PFDN6: variants seen among roughly 807,000 people sequenced by gnomAD.
PFDN6 encodes prefoldin subunit 6.
Under a neutral mutation model 19.3 loss-of-function variants are expected in PFDN6, and 5 were observed. That is an observed-to-expected ratio of 0.26 (90% confidence interval 0.14 to 0.55). The LOEUF is 0.55. Among genes scored for constraint, PFDN6 ranks in the 20% least tolerant of loss-of-function variants. The pLI, the probability that PFDN6 is intolerant of heterozygous loss-of-function variation, is 0.94. For missense variants in PFDN6, 101 were observed against 149.4 expected (o/e 0.68, Z 1.69); for synonymous variants, 51 against 63.4 (o/e 0.80, Z 0.93).
At chr6:33,289,356 A>G, upstream of PFDN6, 1 of 1,342,216 alleles carries the variant, frequency 7.5e-7, no homozygotes, top group Non-Finnish European at 9.5e-7. Flanking sequence ...TTGGCACCTT[A>G]TCGCGAGCGG....
intron 1 of PFDN6, 49 bp from the exon 2 acceptor site, chr6:33,290,125 A>C: frequency 6.3e-7 from 1 of 1,577,966 alleles, no homozygotes; most frequent in African/African-American, 1.3e-5. Flanking sequence ...GATTGTGGGG[A>C]TAGGTGGCAC....
chr6:33,289,896 G>C lies in PFDN6; in HGVS notation c.40G>C (p.Glu14Gln). 3 of 1,609,522 alleles carry C rather than the reference G, an allele frequency of 1.9e-6. No homozygotes were observed. Among genetic ancestry groups the C allele is most frequent in the Non-Finnish European group, 2.5e-6 (3 of 1,177,976 alleles). ...LIQKKLQGEV[E>Q]KYQQLQKDLS... ...CCAGAAGAAGCTACAGGGAGAAGTG[G>C]AGAAATATCAACAGCTACAGAAGGG... is the stretch of plus-strand genomic sequence containing the variant. The change falls in exon 1 of 4, where the codon GAG becomes CAG. Residue 14 changes from glutamate to glutamine, a missense_variant. Transcript: ENST00000374606.
Position 33,290,932 on chromosome 6 carries a change from G to A in PFDN6, c.*87G>A. On this transcript the variant is annotated 3_prime_UTR_variant, in exon 4 of 4. Coordinates refer to ENST00000374606, the MANE Select transcript of PFDN6 (RefSeq NM_001185181.3). ...TAGCTAATAAAATGTAAAAACACCTGGCTCTGTTTCCTGACCAGGCACTTC... is the reference window on the plus strand; with the variant it reads ...TAGCTAATAAAATGTAAAAACACCTAGCTCTGTTTCCTGACCAGGCACTTC... The A allele has an allele frequency of 1.5e-6, 2 of 1,311,996 alleles. No individual in the cohort carries two copies. Among genetic ancestry groups the A allele is most frequent in the Non-Finnish European group, 2.1e-6 (2 of 961,056 alleles). The allele number at this position is 1,311,996 out of a possible 1,614,324, so 81.3% of individuals were successfully genotyped here. A position where few individuals can be genotyped will look rare whatever the true frequency, so the allele number is the denominator to read the frequency against.
At position 33,289,652 on chromosome 6, in the gene PFDN6, TG is replaced by T. The variant is rs1489545199; in HGVS notation, c.-201del. 21 of 561,628 alleles carry T rather than the reference TG, an allele frequency of 3.7e-5. No individual in the cohort carries two copies. In the Admixed American group the frequency reaches 8.0e-4, roughly 21 times the overall value. 34.8% of individuals were successfully genotyped at this position (561,628 alleles called of 1,614,324 possible). On this transcript the variant is annotated 5_prime_UTR_variant, in exon 1 of 4. Transcript: ENST00000374606. ...AGGTTAGGATTTCGGTTGAGAGGCT[TG>T]GGGTCTTGCGTTTCGCCCACCATCT...
intron 3 of PFDN6, 120 bp from the exon 4 acceptor site, chr6:33,290,596 C>T (rs776447826): frequency 7.5e-5 from 110 of 1,469,598 alleles, no homozygotes; most frequent in Admixed American, 5.4e-4. Flanking sequence ...TTTTAACCCC[C>T]CTTCTTCTCC....
chr6:33,289,966 C>T (rs1168598939), intron 1 of PFDN6, 46 bp downstream of exon 1: 10 of 1,525,700 alleles, frequency 6.6e-6, no homozygotes, highest in Non-Finnish European at 9.0e-6. Flanking sequence ...CACTTACAAC[C>T]CAAAGCCATT....
chr6:33,290,528 C>T, intron 3 of PFDN6, 78 bp downstream of exon 3: 1 of 1,507,148 alleles, frequency 6.6e-7, no homozygotes, highest in Non-Finnish European at 8.9e-7. Flanking sequence ...TGAACCATTG[C>T]AGAACAGCTC....
Position 33,289,632 on chromosome 6 carries a change from A to G in PFDN6, c.-225A>G. On this transcript the variant is annotated 5_prime_UTR_variant, in exon 1 of 4. Coordinates refer to ENST00000374606, the MANE Select transcript of PFDN6 (RefSeq NM_001185181.3). ...ACTGAAGGAAGAACGTGAGTAGGTT[A>G]GGATTTCGGTTGAGAGGCTTGGGGT... is the stretch of plus-strand genomic sequence containing the variant. 1 of 572,876 alleles carries G rather than the reference A, an allele frequency of 1.7e-6. No individual in the cohort carries two copies. Among genetic ancestry groups the G allele is most frequent in the East Asian group, 3.3e-5 (1 of 30,574 alleles). 35.5% of individuals were successfully genotyped at this position (572,876 alleles called of 1,614,324 possible).
chr6:33,289,698 C>A lies in PFDN6; in HGVS notation c.-159C>A. On this transcript the variant is annotated 5_prime_UTR_variant, in exon 1 of 4. Transcript: ENST00000374606. ...CCATCTCCTGGGGACAGGGTGGAGT[C>A]GATATCCGGGACGGGGGGGAGGTTG... The A allele has an allele frequency of 3.3e-6, 2 of 606,772 alleles. No individual in the cohort carries two copies. Among genetic ancestry groups the A allele is most frequent in the South Asian group, 3.1e-5 (1 of 31,990 alleles). The allele number at this position is 606,772 out of a possible 1,614,324, so 37.6% of individuals were successfully genotyped here. A position where few individuals can be genotyped will look rare whatever the true frequency, so the allele number is the denominator to read the frequency against.
rs1562644497 is a variant in PFDN6 at position 33,290,156 on chromosome 6, C to T, written c.65-18C>T. ...GGCACATTTGATGTTTCTAAATTGCCTTTCCTCTCATCCCCAGACTTAAGT... is the reference window on the plus strand; with the variant it reads ...GGCACATTTGATGTTTCTAAATTGCTTTTCCTCTCATCCCCAGACTTAAGT... On this transcript the variant is annotated intron_variant, in intron 1 of 3. Coordinates refer to ENST00000374606, the MANE Select transcript of PFDN6 (RefSeq NM_001185181.3). 1.9e-6 allele frequency: 3 copies of T among 1,613,780 alleles called. No homozygotes were observed. Among genetic ancestry groups the T allele is most frequent in the East Asian group, 2.2e-5 (1 of 44,882 alleles).
intron 3 of PFDN6, 101 bp downstream of exon 3, chr6:33,290,551 C>A: frequency 6.7e-7 from 1 of 1,481,826 alleles, no homozygotes; most frequent in African/African-American, 1.4e-5. Flanking sequence ...CATAGTGGCC[C>A]CTAGTCCTCC....
In PFDN6 at chr6:33,289,870, T is replaced by C; in HGVS notation, c.14T>C (p.Ile5Thr). 1 of 1,606,766 alleles carries C rather than the reference T, an allele frequency of 6.2e-7. No homozygotes were observed. Among genetic ancestry groups the C allele is most frequent in the Non-Finnish European group, 8.5e-7 (1 of 1,176,920 alleles). Reference sequence around the variant, plus strand: ...TTCATCCCCGCCATGGCGGAGCTGATCCAGAAGAAGCTACAGGGAGAAGTG... The same window carrying C: ...TTCATCCCCGCCATGGCGGAGCTGACCCAGAAGAAGCTACAGGGAGAAGTG... Reference protein sequence around the residue: MAELIQKKLQGEVEK... With the variant: MAELTQKKLQGEVEK... The change falls in exon 1 of 4, where the codon ATC (isoleucine) becomes ACC (threonine). Residue 5 changes from isoleucine (I) to threonine (T), a missense_variant. This residue lies in a region of PFDN6 where 54 missense variants were observed against 108.8 expected (regional missense o/e 0.50). Transcript: ENST00000374606.
upstream of PFDN6, chr6:33,289,562 A>G (rs1581695966): frequency 3.8e-6 from 3 of 795,890 alleles, no homozygotes; most frequent in East Asian, 9.7e-5. Context: ...AACTTCCGGC[A>G]CAGTCTTTTC....
Position 33,290,622 on chromosome 6 carries a change from A to G in PFDN6, c.261-94A>G, listed in dbSNP as rs796299087. The stretch of plus-strand genomic sequence containing the variant: ...CTTCTTCTCCCTCCCCTGGATCTCA[A>G]GTTTTCCACCTATCTCTTTCTTGCG... On this transcript the variant is annotated intron_variant, in intron 3 of 3. Coordinates refer to ENST00000374606, the MANE Select transcript of PFDN6 (RefSeq NM_001185181.3). 21 of 1,523,676 alleles carry G rather than the reference A, an allele frequency of 1.4e-5. No homozygotes were observed. The African/African-American group carries it at 2.6e-4, about 19-fold the overall frequency. The allele number at this position is 1,523,676 out of a possible 1,614,324, so 94.4% of individuals were successfully genotyped here.
intron 1 of PFDN6, 104 bp downstream of exon 1, chr6:33,290,024 T>G (rs1195899001): frequency 1.3e-5 from 17 of 1,298,810 alleles, no homozygotes; most frequent in Non-Finnish European, 1.9e-5. Context: ...GTGCAGAGAC[T>G]TCCCCGCCTC....
At chr6:33,290,561 C>T in intron 3 of PFDN6, 111 bp downstream of exon 3, 1 of 1,469,236 alleles carries the variant, frequency 6.8e-7, no homozygotes, top group East Asian at 2.3e-5. Context: ...CCTAGTCCTC[C>T]AGTTCCTCCA....
At chr6:33,290,143 G>A (rs1282454615) in intron 1 of PFDN6, 31 bp from the exon 2 acceptor site, 11 of 1,610,786 alleles carry the variant, frequency 6.8e-6, no homozygotes, top group Non-Finnish European at 8.5e-6. Flanking sequence ...CACATTTGAT[G>A]TTTCTAAATT....
rs777509214 is a variant in PFDN6 at position 33,289,856 on chromosome 6, C to T, written c.-1C>T. 1 of 1,597,692 alleles carries T rather than the reference C, an allele frequency of 6.3e-7. No homozygotes were observed. The highest frequency in any genetic ancestry group is 8.5e-7 in the Non-Finnish European group (1 of 1,173,082). ...GCACCCAGTAGGCTTTCATCCCCGC[C>T]ATGGCGGAGCTGATCCAGAAGAAGC... On this transcript the variant is annotated 5_prime_UTR_variant, in exon 1 of 4. Coordinates refer to ENST00000374606, the MANE Select transcript of PFDN6 (RefSeq NM_001185181.3).
intron 1 of PFDN6, 94 bp downstream of exon 1, chr6:33,290,014 G>A: frequency 7.5e-7 from 1 of 1,331,416 alleles, no homozygotes; most frequent in South Asian, 1.3e-5. Context: ...GGGCCCTCGC[G>A]TGCAGAGACT....
Sources: gnomAD v4.1 joint callset for allele counts on GRCh38, gnomAD v4.1.1 for gene constraint, gnomAD v4.1.1 regional missense constraint, MANE v1.5 for transcripts, NCBI Gene and HGNC (gene_info 2026-07-23, HGNC 2026-07-21) for gene names.